PTBP3: variants seen among roughly 807,000 people sequenced by gnomAD.
The protein encoded by PTBP3 is polypyrimidine tract binding protein 3.
In PTBP3, 20 loss-of-function variants were observed where a neutral mutation model predicts 58.7. That is an observed-to-expected ratio of 0.34 (90% confidence interval 0.24 to 0.50). PTBP3 has a LOEUF of 0.50. PTBP3 is among the 20% of genes least tolerant of loss of function. PTBP3 has a pLI of 0.98. For synonymous variants in PTBP3, 185 were observed against 219.8 expected (o/e 0.84, Z 1.40); for missense variants, 509 against 637.2 (o/e 0.80, Z 2.17).
At chr9:112,217,936 A>G (rs1028172978), downstream of PTBP3, 6 of 152,276 alleles carry the variant, frequency 3.9e-5, no homozygotes, top group Admixed American at 6.5e-5. Context: ...AAAGGAATGT[A>G]GCATCAGCTA....
chr9:112,268,583 C>T (rs1258153720), intron 3 of PTBP3, among the ~76,000 whole-genome samples: 1 of 146,854 alleles, frequency 6.8e-6, no homozygotes, highest in African/African-American at 2.5e-5. Flanking sequence ...GTGGTCCCAG[C>T]TACTTGGGGT....
the PTBP3 span, among the ~76,000 whole-genome samples, chr9:112,342,747 GAAGA>G: frequency 6.6e-6 from 1 of 151,818 alleles, no homozygotes; most frequent in East Asian, 1.9e-4. Flanking sequence ...AGAAGAAGAA[GAAGA>G]AAGAGAGATT....
At chr9:112,250,784 G>A in intron 7 of PTBP3, 145 bp downstream of exon 7, 1 of 658,156 alleles carries the variant, frequency 1.5e-6, no homozygotes, top group Admixed American at 3.5e-5. Context: ...TAATTAATGG[G>A]TATACTTTGT....
chr9:112,252,531 ATGGAAT>A, intron 6 of PTBP3, 141 bp downstream of exon 6: 4 of 633,148 alleles, frequency 6.3e-6, no homozygotes, highest in Non-Finnish European at 1.1e-5. Context: ...AAAAAAAAAC[ATGGAAT>A]CATACACTTT....
At chr9:112,379,094 G>A in the PTBP3 span, among the ~76,000 whole-genome samples, 1 of 152,120 alleles carries the variant, frequency 6.6e-6, no homozygotes, top group African/African-American at 2.4e-5. Flanking sequence ...GAGGCTGAGG[G>A]AGGAGAATCA....
chr9:112,278,099 G>GC (rs1479364136), intron 2 of PTBP3, among the ~76,000 whole-genome samples: 2 of 152,014 alleles, frequency 1.3e-5, no homozygotes, highest in Admixed American at 1.3e-4. Flanking sequence ...CACTTACACT[G>GC]CCTCATTTGA....
downstream of PTBP3, chr9:112,218,355 AAAG>A (rs1373605094): frequency 6.6e-6 from 1 of 152,484 alleles, no homozygotes; most frequent in Non-Finnish European, 1.5e-5. Context: ...TGGCTATGGA[AAAG>A]AAAAGAAAAT....
intron 2 of PTBP3, among the ~76,000 whole-genome samples, chr9:112,278,695 T>C (rs1382525158): frequency 6.6e-6 from 1 of 152,232 alleles, no homozygotes; most frequent in Non-Finnish European, 1.5e-5. Flanking sequence ...ATAAAATACC[T>C]GGGCTATGTT....
chr9:112,348,036 A>C, the PTBP3 span, among the ~76,000 whole-genome samples: 4 of 152,008 alleles, frequency 2.6e-5, no homozygotes, highest in Admixed American at 2.6e-4. Flanking sequence ...TCTCAACCTC[A>C]GCACCACTGA....
At chr9:112,364,006 C>T in the PTBP3 span, among the ~76,000 whole-genome samples, 11 of 152,092 alleles carry the variant, frequency 7.2e-5, no homozygotes, top group Non-Finnish European at 1.2e-4. Flanking sequence ...TCCCTCCCTC[C>T]TCACTAACTA....
the PTBP3 span, among the ~76,000 whole-genome samples, chr9:112,360,762 T>C: frequency 6.6e-6 from 1 of 152,180 alleles, no homozygotes; most frequent in East Asian, 1.9e-4. Flanking sequence ...CAAACTTATT[T>C]AGTAGGTTAG....
chr9:112,340,847 G>A, the PTBP3 span, among the ~76,000 whole-genome samples: 1 of 148,888 alleles, frequency 6.7e-6, no homozygotes, highest in Non-Finnish European at 1.5e-5. Context: ...TTGCACTCCC[G>A]CTTGGGCAAC....
At chr9:112,250,803 T>C (rs1836080704) in intron 7 of PTBP3, 126 bp downstream of exon 7, 1 of 944,876 alleles carries the variant, frequency 1.1e-6, no homozygotes. Flanking sequence ...GTTCTAGGAT[T>C]CTTGCTTTCC....
intron 4 of PTBP3, 83 bp from the exon 5 acceptor site, chr9:112,262,682 T>C (rs780424752): frequency 4.7e-6 from 6 of 1,271,230 alleles, no homozygotes; most frequent in African/African-American, 1.5e-5. Flanking sequence ...TAAAACAGTA[T>C]GAAGCAATGT....
intron 1 of PTBP3, among the ~76,000 whole-genome samples, chr9:112,304,661 G>A (rs1198850360): frequency 6.6e-6 from 1 of 152,142 alleles, no homozygotes; most frequent in Non-Finnish European, 1.5e-5. Flanking sequence ...CAACCTTCCA[G>A]GTCAAGCAAT....
chr9:112,297,442 T>C (rs1463327216), intron 2 of PTBP3, among the ~76,000 whole-genome samples: 1 of 152,188 alleles, frequency 6.6e-6, no homozygotes, highest in East Asian at 1.9e-4. Context: ...TGACCTCAGG[T>C]GATCAGCCAG....
intron 7 of PTBP3, among the ~76,000 whole-genome samples, chr9:112,246,705 A>G (rs2132054549): frequency 6.6e-6 from 1 of 151,692 alleles, no homozygotes; most frequent in South Asian, 2.1e-4. Flanking sequence ...AAAAAAAAAA[A>G]GAAAAAGAAA....
intron 7 of PTBP3, among the ~76,000 whole-genome samples, chr9:112,235,219 C>T (rs1396460906): frequency 6.6e-6 from 1 of 151,990 alleles, no homozygotes; most frequent in African/African-American, 2.4e-5. Context: ...AAATCTGTAT[C>T]TGTGGGGTAA....
At chr9:112,371,926 G>A in the PTBP3 span, among the ~76,000 whole-genome samples, 1 of 152,064 alleles carries the variant, frequency 6.6e-6, no homozygotes, top group Admixed American at 6.6e-5. Flanking sequence ...TTTATTTTTT[G>A]TAGAGATGGA....
Sources: gnomAD v4.1 joint callset for allele counts (sites outside exome capture counted in the v4.1 genomes callset) on GRCh38, gnomAD v4.1.1 for gene constraint, MANE v1.5 for transcripts, NCBI Gene and HGNC (gene_info 2026-07-23, HGNC 2026-07-21) for gene names.